GRIP1: variants seen among roughly 807,000 people sequenced by gnomAD.
GRIP1 encodes the protein glutamate receptor-interacting protein 1.
Under a neutral mutation model 129.9 loss-of-function variants are expected in GRIP1, and 45 were observed. The observed-to-expected ratio is 0.35, with a 90% CI of 0.27 to 0.44. The LOEUF (loss-of-function observed/expected upper bound fraction) is 0.44. Among genes scored for constraint, GRIP1 ranks in the 20% least tolerant of loss-of-function variants. The pLI, the probability that GRIP1 is intolerant of heterozygous loss-of-function variation, is 1.00. For synonymous variants in GRIP1, 530 were observed against 520.8 expected (o/e 1.02, Z -0.24); for missense variants, 1,196 against 1,396.8 (o/e 0.86, Z 2.29).
At chr12:66,917,287 C>G (rs1283577709) in intron 1 of GRIP1, among the ~76,000 whole-genome samples, 1 of 152,168 alleles carries the variant, frequency 6.6e-6, no homozygotes, top group South Asian at 2.1e-4. Flanking sequence ...AACTCAGTAA[C>G]CAATAATCTC....
At chr12:66,818,262 A>G (rs1027090833) in intron 1 of GRIP1, among the ~76,000 whole-genome samples, 4 of 152,226 alleles carry the variant, frequency 2.6e-5, no homozygotes, top group African/African-American at 9.6e-5. Flanking sequence ...CATCACATTC[A>G]TTATCTCCAC....
chr12:66,686,114 A>G (rs2034774319), intron 1 of GRIP1, among the ~76,000 whole-genome samples: 1 of 152,248 alleles, frequency 6.6e-6, no homozygotes, highest in South Asian at 2.1e-4. Context: ...TCTTCCAAAT[A>G]ACATGATTCT....
intron 1 of GRIP1, among the ~76,000 whole-genome samples, chr12:67,029,812 T>C (rs2042994964): frequency 6.6e-6 from 1 of 152,072 alleles, no homozygotes. Flanking sequence ...TCTATTTTAG[T>C]ATTTTTTTGT....
chr12:66,947,475 C>T (rs1384913787), intron 1 of GRIP1, among the ~76,000 whole-genome samples: 2 of 152,156 alleles, frequency 1.3e-5, no homozygotes, highest in Non-Finnish European at 2.9e-5. Context: ...GCTGATTAAT[C>T]CCAAATGCTG....
At chr12:66,653,834 C>A (rs780038263) in intron 1 of GRIP1, among the ~76,000 whole-genome samples, 3 of 152,182 alleles carry the variant, frequency 2.0e-5, no homozygotes, top group Non-Finnish European at 4.4e-5. Flanking sequence ...GTGGACCAAA[C>A]TTTGAACTGA....
chr12:66,786,963 G>T (rs1056548420), intron 1 of GRIP1, among the ~76,000 whole-genome samples: 1 of 152,144 alleles, frequency 6.6e-6, no homozygotes, highest in South Asian at 2.1e-4. Context: ...ACCTGAAAGT[G>T]GGGGTGCAGA....
intron 1 of GRIP1, among the ~76,000 whole-genome samples, chr12:66,601,143 A>C (rs2064257994): frequency 6.6e-6 from 1 of 152,218 alleles, no homozygotes; most frequent in Non-Finnish European, 1.5e-5. Context: ...GAACAATAGG[A>C]GGGACCATCT....
intron 1 of GRIP1, among the ~76,000 whole-genome samples, chr12:66,829,577 C>T (rs2039480475): frequency 6.6e-6 from 1 of 152,198 alleles, no homozygotes; most frequent in Admixed American, 6.5e-5. Flanking sequence ...CACTGTGTCT[C>T]TCCCTCCACT....
chr12:66,709,558 AGGGAGTTGTTCCTAGGGTT>A (rs1850213362), intron 1 of GRIP1, among the ~76,000 whole-genome samples: 1 of 151,910 alleles, frequency 6.6e-6, no homozygotes, highest in Non-Finnish European at 1.5e-5. Flanking sequence ...GTTTGATGAC[AGGGAGTTGTTCCTAGGGTT>A]GGGCGGGGGT....
At chr12:66,904,742 A>C (rs909063427) in intron 1 of GRIP1, among the ~76,000 whole-genome samples, 1 of 152,110 alleles carries the variant, frequency 6.6e-6, no homozygotes, top group African/African-American at 2.4e-5. Flanking sequence ...AAATACAAAA[A>C]TTAGCTGGTC....
intron 1 of GRIP1, among the ~76,000 whole-genome samples, chr12:66,598,503 T>C (rs1165378120): frequency 1.3e-5 from 2 of 152,188 alleles, no homozygotes; most frequent in Non-Finnish European, 2.9e-5. Flanking sequence ...CCATTTTGAG[T>C]ATAATTAAAA....
chr12:66,407,586 C>T (rs1191284957), intron 15 of GRIP1, among the ~76,000 whole-genome samples: 3 of 152,134 alleles, frequency 2.0e-5, no homozygotes, highest in Non-Finnish European at 2.9e-5. Flanking sequence ...TCAGTGCTAC[C>T]CTGTCACAGC....
chr12:67,022,915 G>T (rs1565643529), intron 1 of GRIP1, among the ~76,000 whole-genome samples: 1 of 152,034 alleles, frequency 6.6e-6, no homozygotes, highest in African/African-American at 2.4e-5. Flanking sequence ...TTATGCTTAT[G>T]TATGCTGAGC....
intron 7 of GRIP1, among the ~76,000 whole-genome samples, chr12:66,502,430 T>A (rs982295320): frequency 1.4e-5 from 2 of 147,360 alleles, no homozygotes; most frequent in Admixed American, 1.3e-4. Context: ...ATTCTTACAT[T>A]TGTGTTACTC....
At chr12:66,363,174 TATATGTATATATGTGTGTGTGTGTCC>T (rs2054886201) in intron 23 of GRIP1, among the ~76,000 whole-genome samples, 1 of 37,108 alleles carries the variant, frequency 2.7e-5, no homozygotes, top group South Asian at 8.1e-4. Flanking sequence ...TACACACACA[TATATGTATATATGTGTGTGTGTGTCC>T]ATATATATAT....
intron 7 of GRIP1, among the ~76,000 whole-genome samples, chr12:66,467,487 C>T (rs1002861199): frequency 2.0e-5 from 3 of 152,142 alleles, no homozygotes; most frequent in Non-Finnish European, 4.4e-5. Context: ...AGTGAGTGGG[C>T]CCCATGGCTA....
chr12:66,474,236 T>C (rs2059533909), intron 7 of GRIP1, among the ~76,000 whole-genome samples: 1 of 151,792 alleles, frequency 6.6e-6, no homozygotes, highest in African/African-American at 2.4e-5. Context: ...TATCAGAGAT[T>C]GAAGATCAGC....
In GRIP1 at chr12:66,707,158, T is replaced by C. The variant is rs186385153; in HGVS notation, c.-419-76822A>G. 2.7e-4 allele frequency among the ~76,000 whole-genome samples: 41 copies of C among 151,940 alleles called. No individual in the cohort carries two copies. In the East Asian group the frequency reaches 6.8e-3, roughly 25 times the overall value. On this transcript the variant is annotated intron_variant, in intron 1 of 4. Transcript: ENST00000538373. ...TCCCCATGCATAAAGCTGTCCATGT[T>C]ATGTTCACCCTTCTACTCTGTAACC...
chr12:66,522,904 C>T (rs1451576827), intron 5 of GRIP1, among the ~76,000 whole-genome samples: 6 of 151,976 alleles, frequency 3.9e-5, no homozygotes, highest in South Asian at 2.1e-4. Context: ...GGAGCCGATG[C>T]GCTCAACTGG....
Sources: gnomAD v4.1 joint callset for allele counts (sites outside exome capture counted in the v4.1 genomes callset) on GRCh38, gnomAD v4.1.1 for gene constraint, MANE v1.5 for transcripts, NCBI Gene and HGNC (gene_info 2026-07-23, HGNC 2026-07-21) for gene names.